SEMA3B: variants seen among roughly 807,000 people sequenced by gnomAD.
SEMA3B encodes the protein semaphorin 3B, also known as semaphorin-3B.
In SEMA3B, 71 loss-of-function variants were observed where a neutral mutation model predicts 77.8. That is an observed-to-expected ratio of 0.91 (90% CI 0.75 to 1.11). The LOEUF (loss-of-function observed/expected upper bound fraction) is 1.11. Ranked by LOEUF, SEMA3B falls within the 50% of genes most tolerant of loss-of-function variation. The pLI, the probability that SEMA3B is intolerant of heterozygous loss-of-function variation, is 0.00. For synonymous variants in SEMA3B, 470 were observed against 452.9 expected (o/e 1.04, Z -0.48); for missense variants, 968 against 1,056.8 (o/e 0.92, Z 1.17).
chr3:50,275,293 GC>G lies in SEMA3B; in HGVS notation c.1492-4del. ...CCTCGGTCAGCCCAGAGCCCCTCGTGCCCCCTAGCACCAGCTGTACGTAGCC... is the reference window on the plus strand; with the variant it reads ...CCTCGGTCAGCCCAGAGCCCCTCGTGCCCCTAGCACCAGCTGTACGTAGCC... On this transcript the variant is annotated splice_region_variant and splice_polypyrimidine_tract_variant and intron_variant, in intron 13 of 16. Transcript: ENST00000616701. This position sits in a 1 kb window ranked among gnomAD's most constrained non-coding sequence, Gnocchi z 7.5. The G allele has an allele frequency of 6.5e-7, 1 of 1,542,996 alleles. No homozygotes were observed. Among genetic ancestry groups the G allele is most frequent in the Non-Finnish European group, 8.7e-7 (1 of 1,143,314 alleles).
upstream of SEMA3B, among the ~76,000 whole-genome samples, chr3:50,264,744 G>A (rs1427550402): frequency 2.0e-5 from 3 of 152,208 alleles, no homozygotes; most frequent in African/African-American, 4.8e-5. Context: ...CACCCTGCCG[G>A]GCTCCAGAGG....
In SEMA3B at chr3:50,276,803, T is replaced by C. The variant is rs1701271600; in HGVS notation, c.*97T>C. The C allele has an allele frequency of 5.2e-6, 7 of 1,354,442 alleles. No individual in the cohort carries two copies. The highest frequency in any genetic ancestry group is 3.3e-5 in the Admixed American group (1 of 29,868). 83.9% of individuals were successfully genotyped at this position (1,354,442 alleles called of 1,614,324 possible). ...GAAGGACGGGTTGGGGCCGGGCACA[T>C]TGGGGGTCACCGGCCGATGGAGACA... is the stretch of plus-strand genomic sequence containing the variant. On this transcript the variant is annotated 3_prime_UTR_variant, in exon 17 of 17. Transcript: ENST00000616701. The surrounding 1 kb of genome is among the most constrained non-coding windows in gnomAD (Gnocchi z 5.8).
Position 50,276,594 on chromosome 3 carries a change from A to C in SEMA3B, c.2138A>C (p.Gln713Pro). 1 of 1,573,860 alleles carries C rather than the reference A, an allele frequency of 6.4e-7. No individual in the cohort carries two copies. The highest frequency in any genetic ancestry group is 8.6e-7 in the Non-Finnish European group (1 of 1,165,994). Residue 713 changes from glutamine to proline, a missense_variant, in exon 17 of 17, where the codon CAG becomes CCG. Coordinates refer to ENST00000616701, the MANE Select transcript of SEMA3B (RefSeq NM_001290060.2). The surrounding 1 kb of genome is among the most constrained non-coding windows in gnomAD (Gnocchi z 5.8). ...SANSLRMCRP[Q>P]PALQSLPLES... ...AACTCCCTGCGCATGTGCCGCCCGC[A>C]GCCTGCGCTGCAGTCACTGCCCCTG...
upstream of SEMA3B, chr3:50,263,063 G>C (rs1352947737): frequency 6.6e-6 from 1 of 152,356 alleles, no homozygotes; most frequent in Non-Finnish European, 1.5e-5. Flanking sequence ...GATCATGAAC[G>C]GTGAGAAGTC....
In SEMA3B at chr3:50,276,440, G is replaced by A. The variant is rs1701250385; in HGVS notation, c.1984G>A (p.Val662Met). The A allele has an allele frequency of 2.0e-6, 3 of 1,535,994 alleles. No individual in the cohort carries two copies. Among genetic ancestry groups the A allele is most frequent in the South Asian group, 2.4e-5 (2 of 83,970 alleles). The change falls in exon 17 of 17, where the codon GTG becomes ATG. Residue 662 changes from valine to methionine, a missense_variant. Physicochemically the swap from Val to Met is conservative, Grantham distance 21 (BLOSUM62 1). Coordinates refer to ENST00000616701, the MANE Select transcript of SEMA3B (RefSeq NM_001290060.2). This position sits in a 1 kb window ranked among gnomAD's most constrained non-coding sequence, Gnocchi z 5.8. Reference sequence around the variant, plus strand: ...ACCGCTGCGTCGCCTGTCGCTGCACGTGTTGAGTGCTACGCAGGCCGAACG... The same window carrying A: ...ACCGCTGCGTCGCCTGTCGCTGCACATGTTGAGTGCTACGCAGGCCGAACG... ...TQPLRRLSLH[V>M]LSATQAERLA...
chr3:50,274,685 CTG>C lies in SEMA3B; in HGVS notation c.1357+107_1357+108del. 7 of 1,416,898 alleles carry C rather than the reference CTG, an allele frequency of 4.9e-6. No individual in the cohort carries two copies. Among genetic ancestry groups the C allele is most frequent in the Non-Finnish European group, 5.8e-6 (6 of 1,034,732 alleles). 87.8% of individuals were successfully genotyped at this position (1,416,898 alleles called of 1,614,324 possible). ...TCCCATCTCCACATCCTTTCCTGGGCTGTGTCTCCACCCTGTGGATGCTGCCC... is the reference window on the plus strand; with the variant it reads ...TCCCATCTCCACATCCTTTCCTGGGCTGTCTCCACCCTGTGGATGCTGCCC... On this transcript the variant is annotated intron_variant, in intron 11 of 16. Coordinates refer to ENST00000616701, the MANE Select transcript of SEMA3B (RefSeq NM_001290060.2). The surrounding 1 kb of genome is among the most constrained non-coding windows in gnomAD (Gnocchi z 4.7).
At position 50,270,750 on chromosome 3, in the gene SEMA3B, G is replaced by T. The variant is rs918517879; in HGVS notation, c.331-140G>T. 61 of 1,401,902 alleles carry T rather than the reference G, an allele frequency of 4.4e-5. No homozygotes were observed. Among genetic ancestry groups the T allele is most frequent in the Non-Finnish European group, 5.9e-5 (61 of 1,039,840 alleles). The allele number at this position is 1,401,902 out of a possible 1,614,324, so 86.8% of individuals were successfully genotyped here. Reference sequence around the variant, plus strand: ...CGTGAGGCCTGGGCTGGTCAGCAAGGGCCCCCAGGTCCCTGTAGCCCATGT... The same window carrying T: ...CGTGAGGCCTGGGCTGGTCAGCAAGTGCCCCCAGGTCCCTGTAGCCCATGT... On this transcript the variant is annotated intron_variant, in intron 3 of 16. Transcript: ENST00000616701. The surrounding 1 kb of genome is among the most constrained non-coding windows in gnomAD (Gnocchi z 4.7).
In SEMA3B at chr3:50,273,860, C is replaced by A; in HGVS notation, c.992+32C>A. 6.4e-7 allele frequency: 1 copy of A among 1,565,816 alleles called. No individual in the cohort carries two copies. The highest frequency in any genetic ancestry group is 8.7e-7 in the Non-Finnish European group (1 of 1,153,966). ...GGCAGGAGGTAGGGAGCGCCCGGGG[C>A]GGGCCGCTGGGCTCCACCCGGCCCC... On this transcript the variant is annotated intron_variant, in intron 9 of 16. Transcript: ENST00000616701. This position sits in a 1 kb window ranked among gnomAD's most constrained non-coding sequence, Gnocchi z 6.5.
Position 50,270,175 on chromosome 3 carries a change from G to A in SEMA3B, c.158G>A (p.Cys53Tyr), listed in dbSNP as rs375658211. 3.8e-6 allele frequency: 6 copies of A among 1,588,818 alleles called. No individual in the cohort carries two copies. In the Admixed American group the frequency reaches 5.4e-5, roughly 14 times the overall value. Residue 53 changes from cysteine to tyrosine, a missense_variant, in exon 2 of 17, where the codon TGC (cysteine) becomes TAC (tyrosine). Coordinates refer to ENST00000616701, the MANE Select transcript of SEMA3B (RefSeq NM_001290060.2). This position sits in a 1 kb window ranked among gnomAD's most constrained non-coding sequence, Gnocchi z 4.7. Reference protein sequence around the residue: ...GLQTFSLERTCCYQALLVDEE... With the variant: ...GLQTFSLERTYCYQALLVDEE... Reference sequence around the variant, plus strand: ...CAGACTTTCAGCCTGGAGCGAACCTGCTGCTACCAGGCCTTGCTGGTGGAT... The same window carrying A: ...CAGACTTTCAGCCTGGAGCGAACCTACTGCTACCAGGCCTTGCTGGTGGAT...
rs910054489 is a variant in SEMA3B at position 50,275,145 on chromosome 3, C to T, written c.1491+92C>T. 2.7e-6 allele frequency: 4 copies of T among 1,486,450 alleles called. No homozygotes were observed. In the Admixed American group the frequency reaches 7.2e-5, roughly 27 times the overall value. The allele number at this position is 1,486,450 out of a possible 1,614,324, so 92.1% of individuals were successfully genotyped here. ...TGGCCCCTTTTGGTAGTTTGCAGTC[C>T]CGGGTTTGAGTACAGGCTCTGGCTT... On this transcript the variant is annotated intron_variant, in intron 13 of 16. Coordinates refer to ENST00000616701, the MANE Select transcript of SEMA3B (RefSeq NM_001290060.2). The surrounding 1 kb of genome is among the most constrained non-coding windows in gnomAD (Gnocchi z 7.5).
Position 50,274,895 on chromosome 3 carries a change from C to T in SEMA3B, c.1410C>T (p.Ser470=), listed in dbSNP as rs377168172. 53 of 1,611,022 alleles carry T rather than the reference C, an allele frequency of 3.3e-5. No homozygotes were observed. The highest frequency in any genetic ancestry group is 3.9e-5 in the Non-Finnish European group (46 of 1,179,792). ...VISVPKGSRP[S]AEGLLLEELH... is the part of the protein sequence containing the mutation. ...CGGTCCCCAAGGGCAGTAGGCCCAG[C>T]GCAGAGGGGCTGCTCCTGGAGGAGC... Residue 470 remains serine (S), a synonymous_variant, in exon 12 of 17, where the codon AGC becomes AGT. Transcript: ENST00000616701. The surrounding 1 kb of genome is among the most constrained non-coding windows in gnomAD (Gnocchi z 4.7).
In SEMA3B at chr3:50,270,276, G is replaced by A; in HGVS notation, c.259G>A (p.Ala87Thr). The change falls in exon 2 of 17, where the codon GCC becomes ACC. Residue 87 changes from alanine to threonine, a missense_variant. By Grantham distance (58) the Ala-to-Thr change is moderately conservative (BLOSUM62 0). Transcript: ENST00000616701. The surrounding 1 kb of genome is among the most constrained non-coding windows in gnomAD (Gnocchi z 4.7). ...SLNLDNISKR[A>T]KKLAWPAPVE... ...CAACCTGGACAACATCAGCAAGCGG[G>A]CCAAGAAGGTGCCAGGGACTCCCAA... 4 of 1,613,356 alleles carry A rather than the reference G, an allele frequency of 2.5e-6. No individual in the cohort carries two copies. The highest frequency in any genetic ancestry group is 1.1e-5 in the South Asian group (1 of 91,004).
chr3:50,266,282 C>T (rs145244137), upstream of SEMA3B, among the ~76,000 whole-genome samples: 19 of 152,282 alleles, frequency 1.2e-4, no homozygotes, highest in Admixed American at 1.0e-3. Flanking sequence ...AGGCTAGAGG[C>T]AGCTACTCCT....
chr3:50,275,775 T>C lies in SEMA3B; in HGVS notation c.1776T>C (p.Cys592=), dbSNP rs1553706518. The C allele has an allele frequency of 6.2e-7, 1 of 1,612,860 alleles. No homozygotes were observed. ...GVEGSSAFLE[C]EPRSLQARVE... The stretch of plus-strand genomic sequence containing the variant: ...AGGGCAGCAGCGCCTTTCTGGAGTG[T>C]GAGCCCCGCTCGCTGCAGGCGCGCG... Residue 592 remains cysteine, a synonymous_variant, in exon 16 of 17, where the codon TGT becomes TGC. Coordinates refer to ENST00000616701, the MANE Select transcript of SEMA3B (RefSeq NM_001290060.2). This position sits in a 1 kb window ranked among gnomAD's most constrained non-coding sequence, Gnocchi z 7.5.
Position 50,270,588 on chromosome 3 carries a change from C to T in SEMA3B, c.330+93C>T, listed in dbSNP as rs1356975083. On this transcript the variant is annotated intron_variant, in intron 3 of 16. Coordinates refer to ENST00000616701, the MANE Select transcript of SEMA3B (RefSeq NM_001290060.2). This position sits in a 1 kb window ranked among gnomAD's most constrained non-coding sequence, Gnocchi z 4.7. ...TAAAACAGAGGCCTGCCTGTTCTGG[C>T]TGGGATGAGGGCAGGGAGGTCGAGG... 5.1e-6 allele frequency: 8 copies of T among 1,557,430 alleles called. No homozygotes were observed. Among genetic ancestry groups the T allele is most frequent in the South Asian group, 4.5e-5 (4 of 89,198 alleles).
chr3:50,275,786 C>T lies in SEMA3B; in HGVS notation c.1787C>T (p.Ser596Leu), dbSNP rs782041939. The T allele has an allele frequency of 3.7e-6, 6 of 1,612,320 alleles. No individual in the cohort carries two copies. The South Asian group carries it at 6.6e-5, about 18-fold the overall frequency. Residue 596 changes from serine (S) to leucine (L), a missense_variant, in exon 16 of 17, where the codon TCG (serine) becomes TTG (leucine). Ser to Leu is a moderately radical substitution (Grantham distance 145). Transcript: ENST00000616701. The surrounding 1 kb of genome is among the most constrained non-coding windows in gnomAD (Gnocchi z 7.5). Reference sequence around the variant, plus strand: ...GCCTTTCTGGAGTGTGAGCCCCGCTCGCTGCAGGCGCGCGTGGAGTGGACT... The same window carrying T: ...GCCTTTCTGGAGTGTGAGCCCCGCTTGCTGCAGGCGCGCGTGGAGTGGACT... ...SSAFLECEPR[S>L]LQARVEWTFQ...
Position 50,270,410 on chromosome 3 carries a change from C to G in SEMA3B, c.268-23C>G. Reference sequence around the variant, plus strand: ...TATCCCAAGTTCCTGACCTGTGTCCCCTCTCCCCCAACCTCCCGATAGCTG... The same window carrying G: ...TATCCCAAGTTCCTGACCTGTGTCCGCTCTCCCCCAACCTCCCGATAGCTG... On this transcript the variant is annotated intron_variant, in intron 2 of 16. Transcript: ENST00000616701. The surrounding 1 kb of genome is among the most constrained non-coding windows in gnomAD (Gnocchi z 4.7). 6.2e-7 allele frequency: 1 copy of G among 1,613,734 alleles called. No individual in the cohort carries two copies. The highest frequency in any genetic ancestry group is 8.5e-7 in the Non-Finnish European group (1 of 1,179,800).
rs782387309 is a variant in SEMA3B at position 50,271,401 on chromosome 3, A to T, written c.585A>T (p.Gly195=). 3.8e-6 allele frequency: 6 copies of T among 1,590,656 alleles called. No homozygotes were observed. Among genetic ancestry groups the T allele is most frequent in the Non-Finnish European group, 5.1e-6 (6 of 1,168,648 alleles). ...CAGGGGTGGCAGCAGACCTCATGGGACGAGACTTTACCATCTTTCGCAGCC... is the reference window on the plus strand; with the variant it reads ...CAGGGGTGGCAGCAGACCTCATGGGTCGAGACTTTACCATCTTTCGCAGCC... The part of the protein sequence containing the change: ...LYSGVAADLM[G]RDFTIFRSLG... The change falls in exon 6 of 17, where the codon GGA becomes GGT. Residue 195 remains glycine (G), a synonymous_variant. Coordinates refer to ENST00000616701, the MANE Select transcript of SEMA3B (RefSeq NM_001290060.2).
In SEMA3B at chr3:50,269,343, T is replaced by G; in HGVS notation, c.103T>G (p.Phe35Val). 1.3e-6 allele frequency: 2 copies of G among 1,496,718 alleles called. No individual in the cohort carries two copies. The highest frequency in any genetic ancestry group is 1.8e-6 in the Non-Finnish European group (2 of 1,125,968). 92.7% of individuals were successfully genotyped at this position (1,496,718 alleles called of 1,614,324 possible). A position where few individuals can be genotyped will look rare whatever the true frequency, so the allele number is the denominator to read the frequency against. The stretch of plus-strand genomic sequence containing the variant: ...CAGCCCCCCACGCCTTCGGCTCTCC[T>G]TCCAAGGTAGGTGCACCTGGCAGGC... ...APSPPRLRLSFQELQAWHGLQ... is the reference protein window; with the variant it reads ...APSPPRLRLSVQELQAWHGLQ... The change falls in exon 1 of 17, where the codon TTC becomes GTC. Residue 35 changes from phenylalanine (F) to valine (V), a missense_variant. Phe to Val is a conservative substitution (Grantham distance 50). Transcript: ENST00000616701. The surrounding 1 kb of genome is among the most constrained non-coding windows in gnomAD (Gnocchi z 4.0).
Sources: allele counts gnomAD v4.1 joint callset (sites outside exome capture counted in the v4.1 genomes callset), GRCh38; gene constraint gnomAD v4.1.1; non-coding constraint Gnocchi (gnomAD v3.1); transcripts MANE v1.5; gene names NCBI Gene and HGNC (gene_info 2026-07-23, HGNC 2026-07-21).